The following TENM3 variants were observed in gnomAD, a reference collection of about 807,000 sequenced individuals.
TENM3 encodes the protein teneurin-3.
Under a neutral mutation model 255.1 loss-of-function variants are expected in TENM3, and 63 were observed. The ratio of observed to expected loss-of-function variants is 0.25; its 90% confidence interval spans 0.20 to 0.30. The LOEUF (loss-of-function observed/expected upper bound fraction) is 0.30, where lower values mean the gene tolerates loss of function less well. TENM3 is among the 10% of genes least tolerant of loss of function. The pLI is 1.00. For missense variants in TENM3, 2,929 were observed against 3,461.1 expected (o/e 0.85, Z 3.86); for synonymous variants, 1,306 against 1,322.3 (o/e 0.99, Z 0.27).
intron 3 of TENM3, among the ~76,000 whole-genome samples, chr4:182,480,779 T>C (rs997001492): frequency 2.0e-5 from 3 of 152,064 alleles, no homozygotes; most frequent in African/African-American, 7.2e-5. Flanking sequence ...TCTGAATTTA[T>C]GTGGTGGATC....
chr4:182,551,104 C>T (rs1344154204), intron 3 of TENM3, among the ~76,000 whole-genome samples: 1 of 151,846 alleles, frequency 6.6e-6, no homozygotes, highest in East Asian at 1.9e-4. Context: ...TGCCTGTAAT[C>T]CTAGCTACTC....
the TENM3 span, among the ~76,000 whole-genome samples, chr4:181,738,711 C>A: frequency 6.6e-6 from 1 of 151,996 alleles, no homozygotes; most frequent in South Asian, 2.1e-4. Context: ...CCCAAGCATG[C>A]ATTCTGAACC....
the TENM3 span, among the ~76,000 whole-genome samples, chr4:181,460,516 T>C: frequency 1.5e-3 from 224 of 151,944 alleles, no homozygotes; most frequent in Non-Finnish European, 2.8e-3. Context: ...ATATTTAATG[T>C]CATTATTGAT....
At chr4:182,074,489 A>G in the TENM3 span, among the ~76,000 whole-genome samples, 1 of 152,234 alleles carries the variant, frequency 6.6e-6, no homozygotes, top group Admixed American at 6.5e-5. Flanking sequence ...TCTCTTGAGA[A>G]TGTAACACAA....
chr4:181,708,616 C>A, the TENM3 span, among the ~76,000 whole-genome samples: 1 of 150,494 alleles, frequency 6.6e-6, no homozygotes, highest in African/African-American at 2.4e-5. Context: ...CTATGAAAAT[C>A]AAATATGACC....
At chr4:182,693,345 T>G (rs1314143564) in intron 12 of TENM3, among the ~76,000 whole-genome samples, 1 of 152,064 alleles carries the variant, frequency 6.6e-6, no homozygotes, top group African/African-American at 2.4e-5. Flanking sequence ...TCTTCTTTTT[T>G]TTTTCTTTCG....
In TENM3 at chr4:182,799,698, G is replaced by A. The variant is rs755527968; in HGVS notation, c.7447G>A (p.Ala2483Thr). ...VQVSRRRAGG[A>T]QSWLWFATVK... ...GGTGAGCCGGCGCCGGGCCGGCGGCGCGCAGTCCTGGCTGTGGTTCGCCAC... is the reference window on the plus strand; with the variant it reads ...GGTGAGCCGGCGCCGGGCCGGCGGCACGCAGTCCTGGCTGTGGTTCGCCAC... Residue 2483 changes from alanine (A) to threonine (T), a missense_variant, in exon 28 of 28, where the codon GCG becomes ACG. By Grantham distance (58) the Ala-to-Thr change is moderately conservative. This residue lies in a region of TENM3 where 476 missense variants were observed against 480.1 expected (regional missense o/e 0.99). Transcript: ENST00000511685. The surrounding 1 kb of genome is among the most constrained non-coding windows in gnomAD (Gnocchi z 4.2). The A allele has an allele frequency of 9.2e-5, 143 of 1,549,786 alleles. No homozygotes were observed. Among genetic ancestry groups the A allele is most frequent in the South Asian group, 2.1e-4 (18 of 83,992 alleles).
chr4:181,610,888 T>G, the TENM3 span, among the ~76,000 whole-genome samples: 1 of 152,312 alleles, frequency 6.6e-6, no homozygotes, highest in Non-Finnish European at 1.5e-5. Flanking sequence ...TTGCAAAACA[T>G]CTGTTCCTAA....
chr4:182,631,572 T>C (rs1751377660), intron 5 of TENM3: 1 of 152,176 alleles, frequency 6.6e-6, no homozygotes, highest in African/African-American at 2.4e-5. Flanking sequence ...TTCTGTTAAG[T>C]GTGCATGTAA....
chr4:182,414,721 A>G (rs1770242831), intron 3 of TENM3, among the ~76,000 whole-genome samples: 1 of 152,226 alleles, frequency 6.6e-6, no homozygotes, highest in South Asian at 2.1e-4. Flanking sequence ...AAATCCTTAT[A>G]AAGTATCTCA....
At chr4:181,675,590 G>C in the TENM3 span, among the ~76,000 whole-genome samples, 1 of 152,088 alleles carries the variant, frequency 6.6e-6, no homozygotes, top group Non-Finnish European at 1.5e-5. Context: ...CAGGTACTAT[G>C]ATGGGCACTG....
At chr4:181,596,574 A>G in the TENM3 span, among the ~76,000 whole-genome samples, 4 of 152,176 alleles carry the variant, frequency 2.6e-5, no homozygotes. Flanking sequence ...CCTGATCCCA[A>G]TTAAAGTAAC....
At chr4:181,814,587 C>CGT in the TENM3 span, among the ~76,000 whole-genome samples, 13,069 of 149,166 alleles carry the variant, frequency 0.088, 812 homozygotes, top group African/African-American at 0.18. Context: ...TTTTTAAATG[C>CGT]GTGTGTGTGT....
At chr4:181,634,309 G>A in the TENM3 span, among the ~76,000 whole-genome samples, 1 of 150,164 alleles carries the variant, frequency 6.7e-6, no homozygotes, top group Non-Finnish European at 1.5e-5. Flanking sequence ...TTCTTCAATC[G>A]TTTGAAAAAA....
At chr4:182,213,339 T>C (rs1755182797) in intron 1 of TENM3, among the ~76,000 whole-genome samples, 1 of 152,206 alleles carries the variant, frequency 6.6e-6, no homozygotes. Context: ...TTATGTGAAT[T>C]ACCATGCCAC....
the TENM3 span, among the ~76,000 whole-genome samples, chr4:181,534,454 T>G: frequency 8.2e-6 from 1 of 121,680 alleles, no homozygotes; most frequent in Admixed American, 7.6e-5. Context: ...ATGGAGACTT[T>G]CCCTGAGGTC....
intron 3 of TENM3, among the ~76,000 whole-genome samples, chr4:182,557,403 C>T (rs925669): frequency 0.5 from 76,182 of 152,010 alleles, 20,678 homozygotes; most frequent in African/African-American, 0.71. Context: ...TACAATTGTG[C>T]TTATTTTTCA....
chr4:181,560,444 T>C, the TENM3 span, among the ~76,000 whole-genome samples: 3 of 152,308 alleles, frequency 2.0e-5, no homozygotes, highest in Admixed American at 6.5e-5. Flanking sequence ...TTTGAAATTA[T>C]ATAAACACAT....
chr4:181,634,461 CTT>C, the TENM3 span, among the ~76,000 whole-genome samples: 1 of 145,926 alleles, frequency 6.9e-6, no homozygotes, highest in Non-Finnish European at 1.5e-5. Context: ...GTGTGAAACA[CTT>C]TTTTTTCACA....
Sources: allele counts gnomAD v4.1 joint callset (sites outside exome capture counted in the v4.1 genomes callset), GRCh38; gene constraint gnomAD v4.1.1; regional missense constraint gnomAD v4.1.1; non-coding constraint Gnocchi (gnomAD v3.1); transcripts MANE v1.5; gene names NCBI Gene and HGNC (gene_info 2026-07-23, HGNC 2026-07-21).